FAM20C: variants seen among roughly 807,000 people sequenced by gnomAD.
FAM20C encodes the protein extracellular serine/threonine protein kinase FAM20C.
Under a neutral mutation model 51.5 loss-of-function variants are expected in FAM20C, and 40 were observed. The observed-to-expected ratio is 0.78, with a 90% confidence interval of 0.60 to 1.01. The LOEUF is 1.01. Among genes scored for constraint, FAM20C ranks in the 50% least tolerant of loss-of-function variants. The pLI, the probability that FAM20C is intolerant of heterozygous loss-of-function variation, is 0.00. For missense variants in FAM20C, 861 were observed against 844.7 expected (o/e 1.02, Z -0.24); for synonymous variants, 406 against 380.6 (o/e 1.07, Z -0.78).
intron 5 of FAM20C, among the ~76,000 whole-genome samples, chr7:251,670 C>G (rs1162924928): frequency 6.6e-6 from 1 of 152,206 alleles, no homozygotes; most frequent in Non-Finnish European, 1.5e-5. Flanking sequence ...TGCTGCAAGG[C>G]GGCCATCGAC....
intron 3 of FAM20C, among the ~76,000 whole-genome samples, chr7:242,454 A>G (rs1165085466): frequency 3.7e-5 from 5 of 135,066 alleles, no homozygotes; most frequent in Non-Finnish European, 8.0e-5. Context: ...AAGCAGAAGG[A>G]GGAGGGTGGG....
intron 3 of FAM20C, among the ~76,000 whole-genome samples, chr7:235,989 C>G (rs1191692395): frequency 6.6e-6 from 1 of 152,236 alleles, no homozygotes; most frequent in African/African-American, 2.4e-5. Context: ...AACCCTGACT[C>G]CTGGAAAAGG....
intron 2 of FAM20C, among the ~76,000 whole-genome samples, chr7:206,017 C>T (rs555956119): frequency 2.0e-5 from 3 of 152,226 alleles, no homozygotes; most frequent in South Asian, 2.1e-4. Context: ...CAGGGCTGGG[C>T]CCTCCCCGAG....
intron 3 of FAM20C, chr7:227,863 T>A (rs1316170611): frequency 2.0e-5 from 3 of 152,670 alleles, no homozygotes; most frequent in Admixed American, 2.0e-4. Flanking sequence ...TGCAAATCAC[T>A]GAATCATTTT....
intron 4 of FAM20C, among the ~76,000 whole-genome samples, chr7:247,086 A>G (rs576393862): frequency 6.3e-4 from 96 of 152,350 alleles, no homozygotes; most frequent in African/African-American, 2.1e-3. Context: ...CTCACAGAGC[A>G]CAGGCTTCTC....
chr7:242,509 C>A (rs1224413825), intron 3 of FAM20C, among the ~76,000 whole-genome samples: 1 of 151,474 alleles, frequency 6.6e-6, no homozygotes, highest in Non-Finnish European at 1.5e-5. Flanking sequence ...CAGCACTGTT[C>A]GGTGCACTGG....
chr7:253,197 T>C (rs976706865), intron 5 of FAM20C, among the ~76,000 whole-genome samples: 17 of 152,264 alleles, frequency 1.1e-4, no homozygotes, highest in African/African-American at 4.1e-4. Context: ...CTGCCCTAAG[T>C]AACAGTGTCC....
intron 3 of FAM20C, among the ~76,000 whole-genome samples, chr7:210,065 C>T (rs1786634607): frequency 6.6e-6 from 1 of 152,248 alleles, no homozygotes; most frequent in South Asian, 2.1e-4. Context: ...CGAGGGCATC[C>T]CCGCTCACAC....
chr7:257,941 GCC>G (rs1788673544), intron 8 of FAM20C, among the ~76,000 whole-genome samples: 16 of 131,036 alleles, frequency 1.2e-4, no homozygotes, highest in Admixed American at 8.6e-4. Flanking sequence ...TGCTGGAGAT[GCC>G]CGGGGTGGAC....
At chr7:248,089 C>G (rs1221083379) in intron 4 of FAM20C, among the ~76,000 whole-genome samples, 2 of 152,210 alleles carry the variant, frequency 1.3e-5, no homozygotes, top group Admixed American at 1.3e-4. Flanking sequence ...ATCAGTGAGG[C>G]ATCGCCAGCC....
At position 246,439 on chromosome 7, in the gene FAM20C, C is replaced by G; in HGVS notation, c.888C>G (p.Pro296=). Residue 296 remains proline, a synonymous_variant, in exon 4 of 10, where the codon CCC becomes CCG. Transcript: ENST00000313766. ...GACAAACGAGGGAGCAGGAGACACC[C>G]CCTGACTTTTTTTATTTCTCTGACT... The part of the protein sequence containing the change: ...PMKQTREQET[P]PDFFYFSDYE... The G allele has an allele frequency of 6.5e-7, 1 of 1,536,872 alleles. No individual in the cohort carries two copies. Among genetic ancestry groups the G allele is most frequent in the African/African-American group, 1.4e-5 (1 of 73,156 alleles).
At chr7:234,010 G>C (rs1021346077) in intron 3 of FAM20C, among the ~76,000 whole-genome samples, 1,978 of 152,288 alleles carry the variant, frequency 0.013, 35 homozygotes, top group East Asian at 0.081. Context: ...AACTGGTCCT[G>C]GGCAGACCCC....
chr7:220,465 T>G (rs1015265383), intron 3 of FAM20C, among the ~76,000 whole-genome samples: 2 of 152,124 alleles, frequency 1.3e-5, no homozygotes, highest in Non-Finnish European at 2.9e-5. Context: ...AGAGGGGTGA[T>G]GCGTGGAGGG....
At chr7:219,995 C>T (rs960343704) in intron 3 of FAM20C, among the ~76,000 whole-genome samples, 1 of 152,174 alleles carries the variant, frequency 6.6e-6, no homozygotes, top group Non-Finnish European at 1.5e-5. Flanking sequence ...TGTGTCCACA[C>T]TGGGTGTGGG....
intron 3 of FAM20C, among the ~76,000 whole-genome samples, chr7:236,000 A>G (rs1210427634): frequency 6.6e-6 from 1 of 152,238 alleles, no homozygotes; most frequent in African/African-American, 2.4e-5. Flanking sequence ...CTGGAAAAGG[A>G]GACCATGCCT....
intron 2 of FAM20C, among the ~76,000 whole-genome samples, chr7:204,975 T>C (rs1786284724): frequency 1.3e-5 from 2 of 152,268 alleles, no homozygotes; most frequent in Admixed American, 6.5e-5. Context: ...ACGCCACTGC[T>C]GTCCTGAGCA....
At chr7:258,258 CTGGAGATAGGCAGGGTGGACCCACTGCCT>C (rs1788710192) in intron 8 of FAM20C, among the ~76,000 whole-genome samples, 2 of 128,822 alleles carry the variant, frequency 1.6e-5, no homozygotes, top group Admixed American at 1.5e-4. Context: ...GCCTGAGGTG[CTGGAGATAGGCAGGGTGGACCCACTGCCT>C]GGGGTGCTGG....
Position 217,843 on chromosome 7 carries a change from G to A in FAM20C, c.863+8867G>A, listed in dbSNP as rs545625376. ...GATGAGCGCCTGGCTGGGGCTGGCC[G>A]TAACGGCCACCCTCAGAGGAAGAGG... On this transcript the variant is annotated intron_variant, in intron 3 of 9. Transcript: ENST00000313766. Among the ~76,000 whole-genome samples the A allele has an allele frequency of 4.6e-5, 7 of 152,292 alleles. No homozygotes were observed. In the East Asian group the frequency reaches 1.2e-3, roughly 25 times the overall value.
At position 193,627 on chromosome 7, in the gene FAM20C, C is replaced by T. The variant is rs1345734420; in HGVS notation, c.428C>T (p.Pro143Leu). The T allele has an allele frequency of 1.3e-6, 2 of 1,539,670 alleles. No individual in the cohort carries two copies. Among genetic ancestry groups the T allele is most frequent in the African/African-American group, 1.4e-5 (1 of 72,078 alleles). The change falls in exon 1 of 10, where the codon CCC becomes CTC. Residue 143 changes from proline (P) to leucine (L), a missense_variant. Transcript: ENST00000313766. ...GCGCACCGGCCGCTGCTGCGAGACC[C>T]CGGCCCGCGTCGGTCCGAGTCGCCC... Reference protein sequence around the residue: ...DPAHRPLLRDPGPRRSESPPG... With the variant: ...DPAHRPLLRDLGPRRSESPPG...
Sources: gnomAD v4.1 joint callset for allele counts (sites outside exome capture counted in the v4.1 genomes callset) on GRCh38, gnomAD v4.1.1 for gene constraint, MANE v1.5 for transcripts, NCBI Gene and HGNC (gene_info 2026-07-23, HGNC 2026-07-21) for gene names.